Variants in ATP8B2 observed in about 807,000 individuals in gnomAD.
The protein encoded by ATP8B2 is ATPase phospholipid transporting 8B2, also known as phospholipid-transporting ATPase ID.
In ATP8B2, 70 loss-of-function variants were observed where a neutral mutation model predicts 133.4. That is an observed-to-expected ratio of 0.52 (90% CI 0.43 to 0.64). The LOEUF is 0.64. Among genes scored for constraint, ATP8B2 ranks in the 30% least tolerant of loss-of-function variants. The pLI is 0.00. For synonymous variants in ATP8B2, 517 were observed against 589.5 expected (o/e 0.88, Z 1.78); for missense variants, 1,101 against 1,535.7 (o/e 0.72, Z 4.73).
chr1:154,338,418 T>C (rs1037511163), intron 12 of ATP8B2, among the ~76,000 whole-genome samples: 1 of 152,170 alleles, frequency 6.6e-6, no homozygotes, highest in East Asian at 1.9e-4. Flanking sequence ...TCCCAGCACT[T>C]TGGGAAGCCA....
In ATP8B2 at chr1:154,331,577, G is replaced by C. The variant is rs1282623415; in HGVS notation, c.366-29G>C. The C allele has an allele frequency of 1.2e-6, 2 of 1,613,964 alleles. No homozygotes were observed. The highest frequency in any genetic ancestry group is 2.2e-5 in the South Asian group (2 of 91,082). ...TTAGGAACCTCTTTAGCTCCTGACA[G>C]CCTCTTCACTGTCTTCTCGTTGCCT... On this transcript the variant is annotated intron_variant, in intron 6 of 27. Transcript: ENST00000368489. The surrounding 1 kb of genome is among the most constrained non-coding windows in gnomAD (Gnocchi z 4.8).
chr1:154,343,795 C>A lies in ATP8B2; in HGVS notation c.1759-98C>A. 7.2e-7 allele frequency: 1 copy of A among 1,394,694 alleles called. No homozygotes were observed. Among genetic ancestry groups the A allele is most frequent in the Non-Finnish European group, 9.8e-7 (1 of 1,025,486 alleles). 86.4% of individuals were successfully genotyped at this position (1,394,694 alleles called of 1,614,324 possible). The stretch of plus-strand genomic sequence containing the variant: ...CAGTCCCTAACTGTGGAATGTGGCA[C>A]ACACCCAGTCTACAGTGCAGGATTA... On this transcript the variant is annotated intron_variant, in intron 17 of 27. Transcript: ENST00000368489. The surrounding 1 kb of genome is among the most constrained non-coding windows in gnomAD (Gnocchi z 5.8).
rs151015319 is a variant in ATP8B2, at chr1:154,348,451, C to G, written c.3207C>G (p.Thr1069=). ...NTLAQPTVWL[T]IVLTTVVCIM... Reference sequence around the variant, plus strand: ...TGGCCCAGCCCACGGTGTGGCTGACCATTGTGCTCACCACAGTCGTCTGCA... The same window carrying G: ...TGGCCCAGCCCACGGTGTGGCTGACGATTGTGCTCACCACAGTCGTCTGCA... Residue 1069 remains threonine, a synonymous_variant, in exon 27 of 28, where the codon ACC becomes ACG. Coordinates refer to ENST00000368489, the MANE Select transcript of ATP8B2 (RefSeq NM_001370597.1). 957 of 1,613,862 alleles carry G rather than the reference C, an allele frequency of 5.9e-4. No individual in the cohort carries two copies. Among genetic ancestry groups the G allele is most frequent in the Non-Finnish European group, 6.9e-4 (811 of 1,179,770 alleles).
chr1:154,344,597 T>TC lies in ATP8B2; in HGVS notation c.2142-44_2142-43insC, dbSNP rs1686515936. On this transcript the variant is annotated intron_variant, in intron 20 of 27. Coordinates refer to ENST00000368489, the MANE Select transcript of ATP8B2 (RefSeq NM_001370597.1). The surrounding 1 kb of genome is among the most constrained non-coding windows in gnomAD (Gnocchi z 4.1). ...TTAGACTTGAATCCCTGCTCCCCAC[T>TC]GCCGTTCTGGAAGACCACAACCGTA... is the stretch of plus-strand genomic sequence containing the variant. 6.2e-7 allele frequency: 1 copy of TC among 1,607,824 alleles called. No individual in the cohort carries two copies. The highest frequency in any genetic ancestry group is 8.5e-7 in the Non-Finnish European group (1 of 1,174,900).
chr1:154,327,307 A>C (rs1355676578), intron 1 of ATP8B2, among the ~76,000 whole-genome samples: 1 of 152,086 alleles, frequency 6.6e-6, no homozygotes, highest in African/African-American at 2.4e-5. Context: ...TCTGCCTTGT[A>C]AGGCCAGGCC....
chr1:154,344,297 C>T lies in ATP8B2; in HGVS notation c.2035+43C>T, dbSNP rs1349053316. 2 of 1,614,126 alleles carry T rather than the reference C, an allele frequency of 1.2e-6. No homozygotes were observed. Among genetic ancestry groups the T allele is most frequent in the Non-Finnish European group, 1.7e-6 (2 of 1,179,976 alleles). On this transcript the variant is annotated intron_variant, in intron 19 of 27. Coordinates refer to ENST00000368489, the MANE Select transcript of ATP8B2 (RefSeq NM_001370597.1). This position sits in a 1 kb window ranked among gnomAD's most constrained non-coding sequence, Gnocchi z 4.1. ...CAGAGCCAGTTGCAACTGACAGTAG[C>T]CCTGTTGGACCCTTGCATGGAGCCG...
chr1:154,337,436 A>T lies in ATP8B2; in HGVS notation c.926A>T (p.Tyr309Phe), dbSNP rs752271242. ...EHEVGMRFQV[Y>F]LPWDEAVDSA... ...GAGGTGGGGATGCGTTTCCAGGTCT[A>T]CCTGCCGTGGGATGAGGCAGTGGAC... The change falls in exon 12 of 28, where the codon TAC (tyrosine) becomes TTC (phenylalanine). Residue 309 changes from tyrosine to phenylalanine, a missense_variant. Physicochemically the swap from Tyr to Phe is conservative, Grantham distance 22. Transcript: ENST00000368489. 2 of 1,614,150 alleles carry T rather than the reference A, an allele frequency of 1.2e-6. No individual in the cohort carries two copies. The highest frequency in any genetic ancestry group is 1.7e-5 in the Admixed American group (1 of 60,010).
rs758025598 is a variant in ATP8B2 at position 154,327,876 on chromosome 1, A to G, written c.-37-229A>G. 5.6e-6 allele frequency: 9 copies of G among 1,611,272 alleles called. No homozygotes were observed. In the Admixed American group the frequency reaches 1.5e-4, roughly 27 times the overall value. On this transcript the variant is annotated intron_variant, in intron 1 of 27. Transcript: ENST00000368489. ...TTTCCCTACAGGCATGGGCTTCTGTAAAGTCTCAGCCCCCCATGTCACCCA... is the reference window on the plus strand; with the variant it reads ...TTTCCCTACAGGCATGGGCTTCTGTGAAGTCTCAGCCCCCCATGTCACCCA...
chr1:154,348,522 C>T lies in ATP8B2; in HGVS notation c.3278C>T (p.Pro1093Leu), dbSNP rs754315969. Reference sequence around the variant, plus strand: ...CGATTCCTCAGGCTCAACCTGAAGCCGGATCTCTCCGACACGGTGAGAAGC... The same window carrying T: ...CGATTCCTCAGGCTCAACCTGAAGCTGGATCTCTCCGACACGGTGAGAAGC... ...AFRFLRLNLKPDLSDTVRYTQ... is the reference protein window; with the variant it reads ...AFRFLRLNLKLDLSDTVRYTQ... The change falls in exon 27 of 28, where the codon CCG (proline) becomes CTG (leucine). Residue 1093 changes from proline to leucine, a missense_variant. Coordinates refer to ENST00000368489, the MANE Select transcript of ATP8B2 (RefSeq NM_001370597.1). The T allele has an allele frequency of 8.1e-6, 13 of 1,613,852 alleles. No individual in the cohort carries two copies. Among genetic ancestry groups the T allele is most frequent in the Admixed American group, 5.0e-5 (3 of 60,004 alleles).
intron 2 of ATP8B2, chr1:154,329,102 C>T (rs1183123157): frequency 8.0e-7 from 1 of 1,249,920 alleles, no homozygotes; most frequent in Admixed American, 2.9e-5. Context: ...CCTGGCAGCT[C>T]TCCCGCACCC....
At position 154,328,815 on chromosome 1, in the gene ATP8B2, G is replaced by T; in HGVS notation, c.31+643G>T. 1 of 1,034,660 alleles carries T rather than the reference G, an allele frequency of 9.7e-7. No homozygotes were observed. The highest frequency in any genetic ancestry group is 3.2e-5 in the South Asian group (1 of 30,796). 64.1% of individuals were successfully genotyped at this position (1,034,660 alleles called of 1,614,324 possible). A position where few individuals can be genotyped will look rare whatever the true frequency, so the allele number is the denominator to read the frequency against. On this transcript the variant is annotated intron_variant, in intron 2 of 27. Transcript: ENST00000368489. The surrounding 1 kb of genome is among the most constrained non-coding windows in gnomAD (Gnocchi z 4.6). ...GCGCAGCTGAGCTCGCGGTGTCCCC[G>T]AGCGCCGGCGGCCGGGAGGATGGCC...
In ATP8B2 at chr1:154,343,215, C is replaced by A. The variant is rs1686445835; in HGVS notation, c.1556C>A (p.Thr519Asn). The change falls in exon 16 of 28, where the codon ACC becomes AAC. Residue 519 changes from threonine to asparagine, a missense_variant. Thr to Asn is a moderately conservative substitution (Grantham distance 65). Coordinates refer to ENST00000368489, the MANE Select transcript of ATP8B2 (RefSeq NM_001370597.1). The surrounding 1 kb of genome is among the most constrained non-coding windows in gnomAD (Gnocchi z 5.8). The stretch of plus-strand genomic sequence containing the variant: ...CGCTCTCGCACCCCCAAAACAATCA[C>A]CGTCCATGAGATGGGCACAGCCATC... ...VFRSRTPKTITVHEMGTAITY... is the reference protein window; with the variant it reads ...VFRSRTPKTINVHEMGTAITY... 1 of 1,614,184 alleles carries A rather than the reference C, an allele frequency of 6.2e-7. No individual in the cohort carries two copies. Among genetic ancestry groups the A allele is most frequent in the Non-Finnish European group, 8.5e-7 (1 of 1,180,038 alleles).
In ATP8B2 at chr1:154,328,019, G is replaced by C; in HGVS notation, c.-37-86G>C. On this transcript the variant is annotated intron_variant, in intron 1 of 27. Coordinates refer to ENST00000368489, the MANE Select transcript of ATP8B2 (RefSeq NM_001370597.1). This position sits in a 1 kb window ranked among gnomAD's most constrained non-coding sequence, Gnocchi z 4.6. ...GGGGAGGGGCAGGGTCAGAGCTGGA[G>C]AAGAGGGTCTTCAAAAGAGGTCTCA... 1 of 1,522,796 alleles carries C rather than the reference G, an allele frequency of 6.6e-7. No homozygotes were observed. The highest frequency in any genetic ancestry group is 1.1e-5 in the South Asian group (1 of 89,206). The allele number at this position is 1,522,796 out of a possible 1,614,324, so 94.3% of individuals were successfully genotyped here.
rs1052009541 is a variant in ATP8B2, at chr1:154,337,573, T to C, written c.1034+29T>C. On this transcript the variant is annotated intron_variant, in intron 12 of 27. Transcript: ENST00000368489. ...TGTGCCTTCTCTGACCTGGGGTCTC[T>C]CCAGGGAGTCAGGCGGTCCCATAGA... is the stretch of plus-strand genomic sequence containing the variant. 2.5e-6 allele frequency: 4 copies of C among 1,614,202 alleles called. No individual in the cohort carries two copies. The South Asian group carries it at 3.3e-5, about 13-fold the overall frequency.
intron 2 of ATP8B2, chr1:154,329,104 C>T: frequency 8.0e-7 from 1 of 1,247,520 alleles, no homozygotes. Flanking sequence ...TGGCAGCTCT[C>T]CCGCACCCAT....
Position 154,348,450 on chromosome 1 carries a change from C to T in ATP8B2, c.3206C>T (p.Thr1069Ile). 6.2e-7 allele frequency: 1 copy of T among 1,613,858 alleles called. No homozygotes were observed. The highest frequency in any genetic ancestry group is 8.5e-7 in the Non-Finnish European group (1 of 1,179,760). ...NTLAQPTVWL[T>I]IVLTTVVCIM... Reference sequence around the variant, plus strand: ...TTGGCCCAGCCCACGGTGTGGCTGACCATTGTGCTCACCACAGTCGTCTGC... The same window carrying T: ...TTGGCCCAGCCCACGGTGTGGCTGATCATTGTGCTCACCACAGTCGTCTGC... Residue 1069 changes from threonine (T) to isoleucine (I), a missense_variant, in exon 27 of 28, where the codon ACC becomes ATC. Transcript: ENST00000368489.
chr1:154,343,202 C>T lies in ATP8B2; in HGVS notation c.1543C>T (p.Pro515Ser). 6.2e-7 allele frequency: 1 copy of T among 1,614,082 alleles called. No homozygotes were observed. Among genetic ancestry groups the T allele is most frequent in the East Asian group, 2.2e-5 (1 of 44,874 alleles). Residue 515 changes from proline to serine, a missense_variant, in exon 16 of 28, where the codon CCC (proline) becomes TCC (serine). Coordinates refer to ENST00000368489, the MANE Select transcript of ATP8B2 (RefSeq NM_001370597.1). This position sits in a 1 kb window ranked among gnomAD's most constrained non-coding sequence, Gnocchi z 5.8. ...NFGFVFRSRTPKTITVHEMGT... is the reference protein window; with the variant it reads ...NFGFVFRSRTSKTITVHEMGT... ...TGGTTTTGTTTTCCGCTCTCGCACC[C>T]CCAAAACAATCACCGTCCATGAGAT...
In ATP8B2 at chr1:154,345,683, G is replaced by A. The variant is rs1490704539; in HGVS notation, c.2695-117G>A. ...TTAAAAAATGCTTATTAAAGGAGGA[G>A]AGAAGGAGCCTCAGAAAATTTCTTA... On this transcript the variant is annotated intron_variant, in intron 23 of 27. Coordinates refer to ENST00000368489, the MANE Select transcript of ATP8B2 (RefSeq NM_001370597.1). The surrounding 1 kb of genome is among the most constrained non-coding windows in gnomAD (Gnocchi z 5.6). 5 of 1,322,296 alleles carry A rather than the reference G, an allele frequency of 3.8e-6. No individual in the cohort carries two copies. In the East Asian group the frequency reaches 9.2e-5, roughly 24 times the overall value. The allele number at this position is 1,322,296 out of a possible 1,614,324, so 81.9% of individuals were successfully genotyped here.
rs1173178944 is a variant in ATP8B2, at chr1:154,337,506, C to T, written c.996C>T (p.Ile332=). ...SGFLSFWSYI[I]ILNTVVPISL... ...TCCTCTCCTTCTGGTCCTACATCAT[C>T]ATCCTCAACACCGTTGTGCCCATTT... The change falls in exon 12 of 28, where the codon ATC becomes ATT. Residue 332 remains isoleucine, a synonymous_variant. Coordinates refer to ENST00000368489, the MANE Select transcript of ATP8B2 (RefSeq NM_001370597.1). 1.2e-6 allele frequency: 2 copies of T among 1,614,234 alleles called. No homozygotes were observed. Among genetic ancestry groups the T allele is most frequent in the Admixed American group, 1.7e-5 (1 of 60,028 alleles).
Sources: gnomAD v4.1 joint callset for allele counts (sites outside exome capture counted in the v4.1 genomes callset) on GRCh38, gnomAD v4.1.1 for gene constraint, Gnocchi (gnomAD v3.1) non-coding constraint, MANE v1.5 for transcripts, NCBI Gene and HGNC (gene_info 2026-07-23, HGNC 2026-07-21) for gene names.